The following IDE variants were observed in gnomAD, a reference collection of about 807,000 sequenced individuals.
The protein encoded by IDE is insulin degrading enzyme.
A neutral mutation model predicts 133.2 loss-of-function variants in IDE; 58 were observed. The ratio of observed to expected loss-of-function variants is 0.44; its 90% CI spans 0.35 to 0.54. IDE has a LOEUF of 0.54. Among genes scored for constraint, IDE ranks in the 20% least tolerant of loss-of-function variants. IDE has a pLI of 0.00. For missense variants in IDE, 981 were observed against 1,234.0 expected (o/e 0.79, Z 3.07); for synonymous variants, 396 against 421.3 (o/e 0.94, Z 0.73).
chr10:92,561,044 G>T (rs912083003), intron 1 of IDE, among the ~76,000 whole-genome samples: 2 of 152,140 alleles, frequency 1.3e-5, no homozygotes, highest in African/African-American at 4.8e-5. Context: ...CCTGAGGTCA[G>T]GAGTTCGAGA....
rs1844824086 is a variant in IDE, at chr10:92,453,017, C to T, written c.*1427G>A. ...CCCAAAATTGAGATTTGGAAAATGG[C>T]AAATGTAAAAACTTAAGATGTGAAA... On this transcript the variant is annotated 3_prime_UTR_variant, in exon 25 of 25. Coordinates refer to ENST00000265986, the MANE Select transcript of IDE (RefSeq NM_004969.4). The T allele has an allele frequency of 6.6e-6, 1 of 152,050 alleles. No homozygotes were observed. The highest frequency in any genetic ancestry group is 2.4e-5 in the African/African-American group (1 of 41,402). The allele number at this position is 152,050 out of a possible 1,614,324, so 9.4% of individuals were successfully genotyped here.
At chr10:92,528,090 C>G (rs1033198904) in intron 4 of IDE, among the ~76,000 whole-genome samples, 1 of 152,108 alleles carries the variant, frequency 6.6e-6, no homozygotes, top group African/African-American at 2.4e-5. Flanking sequence ...GGAGGCAATC[C>G]TATCATATGG....
chr10:92,557,874 C>CAAAA lies in IDE; in HGVS notation c.98+16044_98+16047dup, dbSNP rs3051565. ...TGGGCAACAGAGCAAGATTCCACCT[C>CAAAA]AAAAAAAAAAAAAAAAAAAGGATGC... is the stretch of plus-strand genomic sequence containing the variant. On this transcript the variant is annotated intron_variant, in intron 1 of 24. Transcript: ENST00000265986. Among the ~76,000 whole-genome samples, 116 of 108,210 alleles carry CAAAA rather than the reference C, an allele frequency of 1.1e-3. 7 individuals are homozygous for CAAAA. The highest frequency in any genetic ancestry group is 5.4e-3 in the South Asian group (17 of 3,132). The allele number at this position is 108,210 out of a possible 152,430, so 71.0% of individuals were successfully genotyped here.
At chr10:92,506,036 TG>T (rs1190188432) in intron 10 of IDE, among the ~76,000 whole-genome samples, 2 of 152,112 alleles carry the variant, frequency 1.3e-5, no homozygotes, top group African/African-American at 4.8e-5. Flanking sequence ...TAAACTACAA[TG>T]GGGACCAAGA....
At chr10:92,560,978 C>T (rs1375425763) in intron 1 of IDE, among the ~76,000 whole-genome samples, 5 of 152,064 alleles carry the variant, frequency 3.3e-5, no homozygotes, top group Non-Finnish European at 5.9e-5. Context: ...TCAGGCTGGG[C>T]GTGGTGGCTC....
At chr10:92,495,869 C>A (rs1218064501) in intron 11 of IDE, among the ~76,000 whole-genome samples, 1 of 151,520 alleles carries the variant, frequency 6.6e-6, no homozygotes, top group Non-Finnish European at 1.5e-5. Context: ...ATGCTAAAAA[C>A]CATTTTTTAA....
chr10:92,465,466 G>A (rs990406671), intron 20 of IDE, among the ~76,000 whole-genome samples: 1 of 152,106 alleles, frequency 6.6e-6, no homozygotes, highest in Admixed American at 6.6e-5. Flanking sequence ...GTAATATGCA[G>A]TATCATCTCA....
chr10:92,471,000 C>A (rs2135375662), intron 17 of IDE, among the ~76,000 whole-genome samples: 1 of 150,264 alleles, frequency 6.7e-6, no homozygotes, highest in East Asian at 2.0e-4. Context: ...TGGAAAAGCC[C>A]ACTTGCCCAT....
intron 1 of IDE, among the ~76,000 whole-genome samples, chr10:92,566,556 T>C (rs1026654733): frequency 4.0e-5 from 6 of 151,356 alleles, no homozygotes; most frequent in Admixed American, 2.6e-4. Context: ...GATCTAAAAA[T>C]CAAAACAATT....
rs1353391964 is a variant in IDE at position 92,537,386 on chromosome 10, G to A, written c.263C>T (p.Ala88Val). 20 of 1,607,714 alleles carry A rather than the reference G, an allele frequency of 1.2e-5. No homozygotes were observed. The highest frequency in any genetic ancestry group is 1.5e-5 in the Non-Finnish European group (18 of 1,178,354). Reference protein sequence around the residue: ...ISDPTTDKSSAALDVHIGSLS... With the variant: ...ISDPTTDKSSVALDVHIGSLS... ...TGTACCTATGTGCACATCAAGTGCTGCTGATGACTTATCCGTGGTGGGATC... is the reference window on the plus strand; with the variant it reads ...TGTACCTATGTGCACATCAAGTGCTACTGATGACTTATCCGTGGTGGGATC... The change falls in exon 2 of 25, where the codon GCA (alanine) becomes GTA (valine). Residue 88 changes from alanine (A) to valine (V), a missense_variant. Ala to Val is a moderately conservative substitution (Grantham distance 64). Coordinates refer to ENST00000265986, the MANE Select transcript of IDE (RefSeq NM_004969.4).
intron 3 of IDE, among the ~76,000 whole-genome samples, chr10:92,533,883 C>T (rs530922578): frequency 1.3e-4 from 20 of 151,956 alleles, no homozygotes; most frequent in Non-Finnish European, 2.2e-4. Flanking sequence ...ATTAGCCAGG[C>T]GTGGTGGCAC....
intron 9 of IDE, among the ~76,000 whole-genome samples, chr10:92,507,233 C>CA (rs1235532336): frequency 6.6e-6 from 1 of 152,130 alleles, no homozygotes; most frequent in African/African-American, 2.4e-5. Flanking sequence ...CTGAAAACGA[C>CA]AGAGCTCATG....
intron 24 of IDE, 58 bp downstream of exon 24, chr10:92,455,518 T>C: frequency 9.4e-7 from 1 of 1,068,192 alleles, no homozygotes; most frequent in Non-Finnish European, 1.4e-6. Context: ...ACCAAGCTGC[T>C]TCTTCTAAAT....
At chr10:92,484,383 C>A (rs922397985) in intron 13 of IDE, among the ~76,000 whole-genome samples, 1 of 151,726 alleles carries the variant, frequency 6.6e-6, no homozygotes, top group Admixed American at 6.6e-5. Context: ...TGCCACTGCA[C>A]TCCAGCCTGG....
At chr10:92,510,689 A>ACATACATCTCACATATATGATATATAT (rs1848546444) in intron 5 of IDE, among the ~76,000 whole-genome samples, 1 of 151,410 alleles carries the variant, frequency 6.6e-6, no homozygotes, top group African/African-American at 2.4e-5. Flanking sequence ...GATATATATC[A>ACATACATCTCACATATATGATATATAT]CATACATCTC....
At position 92,463,852 on chromosome 10, in the gene IDE, C is replaced by G. The variant is rs779064748; in HGVS notation, c.2640G>C (p.Glu880Asp). ...ATGCCTGAATGTGTTTTTGGAAGGCCTCTTCTGTCATGTCCTCTATGGACT... is the reference window on the plus strand; with the variant it reads ...ATGCCTGAATGTGTTTTTGGAAGGCGTCTTCTGTCATGTCCTCTATGGACT... ...MEKSIEDMTEEAFQKHIQALA... is the reference protein window; with the variant it reads ...MEKSIEDMTEDAFQKHIQALA... Residue 880 changes from glutamate to aspartate, a missense_variant, in exon 21 of 25, where the codon GAG becomes GAC. Coordinates refer to ENST00000265986, the MANE Select transcript of IDE (RefSeq NM_004969.4). The G allele has an allele frequency of 1.3e-5, 21 of 1,614,158 alleles. No homozygotes were observed. Among genetic ancestry groups the G allele is most frequent in the Non-Finnish European group, 1.7e-5 (20 of 1,180,032 alleles).
In IDE at chr10:92,456,919, C is replaced by T. The variant is rs1294185079; in HGVS notation, c.2824-488G>A. On this transcript the variant is annotated intron_variant, in intron 22 of 24. Transcript: ENST00000265986. Reference sequence around the variant, plus strand: ...ACTTCCCTTTCTTTCCCCTCACTTACATTATTTTATTTAAGCTCTAGAAAG... The same window carrying T: ...ACTTCCCTTTCTTTCCCCTCACTTATATTATTTTATTTAAGCTCTAGAAAG... 1.4e-5 allele frequency among the ~76,000 whole-genome samples: 2 copies of T among 142,672 alleles called. 1 individual carries two copies. 93.6% of individuals were successfully genotyped at this position (142,672 alleles called of 152,430 possible).
Position 92,565,808 on chromosome 10 carries a change from T to C in IDE, c.98+8114A>G, listed in dbSNP as rs535301668. On this transcript the variant is annotated intron_variant, in intron 1 of 24. Transcript: ENST00000265986. Reference sequence around the variant, plus strand: ...CATCAACTACCATGTATATTCTTTCTAAAAAATCTCCCTGTTTTAACGTCC... The same window carrying C: ...CATCAACTACCATGTATATTCTTTCCAAAAAATCTCCCTGTTTTAACGTCC... Among the ~76,000 whole-genome samples, 3 of 152,180 alleles carry C rather than the reference T, an allele frequency of 2.0e-5. No homozygotes were observed. The South Asian group carries it at 6.2e-4, about 32-fold the overall frequency.
chr10:92,471,191 C>G (rs1156512261), intron 17 of IDE, among the ~76,000 whole-genome samples: 2 of 152,028 alleles, frequency 1.3e-5, no homozygotes, highest in African/African-American at 4.8e-5. Context: ...TTCCCTCTTT[C>G]TTTTTACATA....
Sources: gnomAD v4.1 joint callset for allele counts (sites outside exome capture counted in the v4.1 genomes callset) on GRCh38, gnomAD v4.1.1 for gene constraint, MANE v1.5 for transcripts, NCBI Gene and HGNC (gene_info 2026-07-23, HGNC 2026-07-21) for gene names.